Variants in TRPM3 observed in about 807,000 individuals in gnomAD.
TRPM3 encodes the protein transient receptor potential cation channel subfamily M member 3.
TRPM3 carries 77 observed loss-of-function variants against 181.2 expected under a neutral mutation model. The ratio of observed to expected loss-of-function variants is 0.42; its 90% CI spans 0.35 to 0.51. TRPM3 has a LOEUF of 0.51. Ranked by LOEUF, TRPM3 falls within the 20% of genes least tolerant of loss-of-function variation. The probability of loss-of-function intolerance (pLI) is 0.01; values close to 1 mark genes in which losing one functional copy is unlikely to be tolerated. For missense variants in TRPM3, 1,759 were observed against 2,196.7 expected, an observed-to-expected ratio of 0.80 and a Z score of 3.98; for synonymous variants, 745 against 796.4, an observed-to-expected ratio of 0.94 and a Z score of 1.09.
intron 1 of TRPM3, among the ~76,000 whole-genome samples, chr9:71,339,790 T>C (rs1204134056): frequency 6.6e-6 from 1 of 152,046 alleles, no homozygotes; most frequent in African/African-American, 2.4e-5. Context: ...TTGGGGATGA[T>C]GGAGTTGTTC....
chr9:71,132,523 C>T (rs1316145089), intron 1 of TRPM3, among the ~76,000 whole-genome samples: 1 of 152,064 alleles, frequency 6.6e-6, no homozygotes, highest in Admixed American at 6.6e-5. Context: ...GATAAAAATG[C>T]TCTATGTCTT....
chr9:70,956,850 C>A (rs966973648), intron 1 of TRPM3, among the ~76,000 whole-genome samples: 2 of 151,752 alleles, frequency 1.3e-5, no homozygotes, highest in Non-Finnish European at 2.9e-5. Context: ...CACACCAATG[C>A]ACTCCAGCCT....
chr9:71,212,108 T>C (rs901512294), intron 1 of TRPM3, among the ~76,000 whole-genome samples: 1 of 152,066 alleles, frequency 6.6e-6, no homozygotes. Context: ...TCATGGTTTT[T>C]TTGTTTTGTT....
intron 7 of TRPM3, chr9:70,775,120 C>A (rs944862437): frequency 6.6e-6 from 1 of 152,264 alleles, no homozygotes; most frequent in South Asian, 2.1e-4. Context: ...AGGCATTAAT[C>A]CACTGTATCC....
At chr9:70,622,092 T>G (rs1316588562) in intron 14 of TRPM3, among the ~76,000 whole-genome samples, 1 of 152,186 alleles carries the variant, frequency 6.6e-6, no homozygotes, top group Non-Finnish European at 1.5e-5. Flanking sequence ...ACCTCAGGAA[T>G]GGGATTAGTA....
rs557381178 is a variant in TRPM3, at chr9:71,019,698, A to C, written c.177+101480T>G. On this transcript the variant is annotated intron_variant, in intron 1 of 25. Transcript: ENST00000677713. ...CAATGCAATCAGAATCCCATTCCCAAGAGGATTTTTACAAATTGGCAATCT... is the reference window on the plus strand; with the variant it reads ...CAATGCAATCAGAATCCCATTCCCACGAGGATTTTTACAAATTGGCAATCT... Among the ~76,000 whole-genome samples the C allele has an allele frequency of 7.2e-5, 11 of 152,264 alleles. No individual in the cohort carries two copies. The South Asian group carries it at 2.1e-3, about 29-fold the overall frequency.
At chr9:70,780,465 A>T (rs555251930) in intron 7 of TRPM3, among the ~76,000 whole-genome samples, 3 of 152,270 alleles carry the variant, frequency 2.0e-5, no homozygotes, top group African/African-American at 7.2e-5. Context: ...AAACATTTCC[A>T]ACACTGTTGG....
At chr9:71,408,959 T>C (rs2093490079) in intron 1 of TRPM3, among the ~76,000 whole-genome samples, 2 of 152,186 alleles carry the variant, frequency 1.3e-5, no homozygotes, top group Admixed American at 6.5e-5. Context: ...TCAATATTCA[T>C]AAAGAAAATA....
intron 9 of TRPM3, among the ~76,000 whole-genome samples, chr9:70,663,474 A>G (rs1433093899): frequency 6.6e-6 from 1 of 152,212 alleles, no homozygotes; most frequent in Non-Finnish European, 1.5e-5. Context: ...CCCTCACTAT[A>G]GTGGTTATAA....
intron 6 of TRPM3, among the ~76,000 whole-genome samples, chr9:70,815,883 A>G (rs1302222901): frequency 6.6e-6 from 1 of 152,204 alleles, no homozygotes; most frequent in African/African-American, 2.4e-5. Context: ...TTATGAAATG[A>G]TGGAGGAAAA....
At chr9:71,435,286 G>A (rs1472294986) in intron 1 of TRPM3, among the ~76,000 whole-genome samples, 1 of 152,194 alleles carries the variant, frequency 6.6e-6, no homozygotes, top group Non-Finnish European at 1.5e-5. Context: ...AAGATATCAT[G>A]TTATATGCCA....
intron 1 of TRPM3, among the ~76,000 whole-genome samples, chr9:70,954,700 G>A (rs987321565): frequency 2.0e-5 from 3 of 152,108 alleles, no homozygotes; most frequent in Admixed American, 6.6e-5. Flanking sequence ...TATAACTTTA[G>A]TCTTTTCATG....
intron 1 of TRPM3, among the ~76,000 whole-genome samples, chr9:71,412,848 C>T (rs1335039222): frequency 1.3e-5 from 2 of 152,120 alleles, no homozygotes; most frequent in South Asian, 4.1e-4. Flanking sequence ...GGAACCAACC[C>T]AAATGTCCAT....
intron 18 of TRPM3, among the ~76,000 whole-genome samples, chr9:70,612,339 A>G (rs2062116526): frequency 6.6e-6 from 1 of 152,228 alleles, no homozygotes. Context: ...CAGGACTGAC[A>G]AGGATTTGGG....
At chr9:70,611,352 A>ATTGAT (rs2061969005) in intron 18 of TRPM3, among the ~76,000 whole-genome samples, 1 of 149,674 alleles carries the variant, frequency 6.7e-6, no homozygotes, top group African/African-American at 2.5e-5. Flanking sequence ...GTGAGAGGTG[A>ATTGAT]TTGATTGGAT....
chr9:70,682,535 G>A (rs1403323276), intron 8 of TRPM3, among the ~76,000 whole-genome samples: 3 of 152,072 alleles, frequency 2.0e-5, no homozygotes, highest in Admixed American at 6.6e-5. Flanking sequence ...AGAACAATGA[G>A]ATTGTCACAG....
chr9:71,356,733 A>T (rs888598034), intron 1 of TRPM3, among the ~76,000 whole-genome samples: 3 of 152,120 alleles, frequency 2.0e-5, no homozygotes, highest in African/African-American at 4.8e-5. Context: ...CACAAAATTG[A>T]GAGATTTCTG....
chr9:70,961,895 T>C (rs2097139791), intron 1 of TRPM3, among the ~76,000 whole-genome samples: 1 of 152,172 alleles, frequency 6.6e-6, no homozygotes, highest in Non-Finnish European at 1.5e-5. Context: ...AACTGCTTCA[T>C]AGAATTAAAA....
In TRPM3 at chr9:70,893,109, C is replaced by T. The variant is rs541406600; in HGVS notation, c.178-28598G>A. Among the ~76,000 whole-genome samples, 24 of 152,272 alleles carry T rather than the reference C, an allele frequency of 1.6e-4. No individual in the cohort carries two copies. In the East Asian group the frequency reaches 4.4e-3, roughly 28 times the overall value. The stretch of plus-strand genomic sequence containing the variant: ...CCAAAGCAGAGTCTCCTGTGCTGGA[C>T]TGCTATTATTAATATTATATGTAGG... On this transcript the variant is annotated intron_variant, in intron 1 of 25. Coordinates refer to ENST00000677713, the MANE Select transcript of TRPM3 (RefSeq NM_001366145.2).
Sources: gnomAD v4.1 joint callset for allele counts (sites outside exome capture counted in the v4.1 genomes callset) on GRCh38, gnomAD v4.1.1 for gene constraint, MANE v1.5 for transcripts, NCBI Gene and HGNC (gene_info 2026-07-23, HGNC 2026-07-21) for gene names.